Variants in CHID1 observed in about 807,000 individuals in gnomAD.
CHID1 encodes the protein chitinase domain containing 1.
CHID1 carries 44 observed loss-of-function variants against 55.4 expected under a neutral mutation model. The observed-to-expected ratio is 0.79, with a 90% confidence interval of 0.62 to 1.02. The LOEUF (loss-of-function observed/expected upper bound fraction) is 1.02. Among genes scored for constraint, CHID1 ranks in the 50% least tolerant of loss-of-function variants. The pLI, the probability that CHID1 is intolerant of heterozygous loss-of-function variation, is 0.00. For missense variants in CHID1, 491 were observed against 515.3 expected (o/e 0.95, Z 0.46); for synonymous variants, 216 against 212.9 (o/e 1.01, Z -0.13).
intron 3 of CHID1, among the ~76,000 whole-genome samples, chr11:902,737 A>G (rs926183330): frequency 1.1e-4 from 16 of 152,224 alleles, no homozygotes; most frequent in African/African-American, 3.1e-4. Context: ...TTCAGGGGGA[A>G]CCCACAGAGA....
In CHID1 at chr11:902,963, G is replaced by A. The variant is rs1262891751; in HGVS notation, c.260C>T (p.Pro87Leu). ...TGCACTGTGAGGGCCCCAACTTACT[G>A]GAGTGACATAGCCCAGTACATCCCC... The part of the protein sequence containing the change: ...FAGDVLGYVT[P>L]WNSHGYDVTK... The change falls in exon 3 of 13, where the codon CCA (proline) becomes CTA (leucine). Residue 87 changes from proline (P) to leucine (L), a missense_variant and splice_region_variant. Transcript: ENST00000323578. 6.2e-7 allele frequency: 1 copy of A among 1,613,282 alleles called. No individual in the cohort carries two copies. Among genetic ancestry groups the A allele is most frequent in the East Asian group, 2.2e-5 (1 of 44,854 alleles).
At chr11:900,873 C>G in intron 5 of CHID1, 63 bp downstream of exon 5, 1 of 1,423,906 alleles carries the variant, frequency 7.0e-7, no homozygotes, top group East Asian at 2.5e-5. Flanking sequence ...GACCCCAGTG[C>G]CCACCTGTCC....
At position 869,683 on chromosome 11, in the gene CHID1, C is replaced by T. The variant is rs1424324478; in HGVS notation, c.*175G>A. 1.6e-6 allele frequency: 1 copy of T among 631,542 alleles called. No homozygotes were observed. 39.1% of individuals were successfully genotyped at this position (631,542 alleles called of 1,614,324 possible). ...AGGGTGTCCCCCAGCTAGGACTCAT[C>T]CAGGGCAGGGACCCCTCATGGGAGG... is the stretch of plus-strand genomic sequence containing the variant. On this transcript the variant is annotated 3_prime_UTR_variant, in exon 13 of 13. Coordinates refer to ENST00000323578, the MANE Select transcript of CHID1 (RefSeq NM_023947.4).
intron 7 of CHID1, among the ~76,000 whole-genome samples, chr11:894,632 C>A (rs888048785): frequency 1.3e-5 from 2 of 152,328 alleles, no homozygotes; most frequent in South Asian, 4.1e-4. Flanking sequence ...AGGAGACCCA[C>A]CCCTTAGGGG....
chr11:901,778 G>A (rs1249954859), intron 4 of CHID1, among the ~76,000 whole-genome samples: 1 of 152,130 alleles, frequency 6.6e-6, no homozygotes, highest in East Asian at 1.9e-4. Flanking sequence ...TGGCCTTGCA[G>A]AGGGTCCCAC....
intron 1 of CHID1, among the ~76,000 whole-genome samples, chr11:906,366 G>A (rs929881687): frequency 3.9e-5 from 6 of 151,924 alleles, no homozygotes; most frequent in Non-Finnish European, 7.4e-5. Context: ...AGCCTCCCGA[G>A]TAGCTGGGAT....
At chr11:884,878 C>T (rs1413939992) in intron 8 of CHID1, among the ~76,000 whole-genome samples, 2 of 152,216 alleles carry the variant, frequency 1.3e-5, no homozygotes, top group Admixed American at 1.3e-4. Flanking sequence ...CCCTCGGGGA[C>T]CTGCTCCTTC....
At chr11:905,913 T>G (rs1016359786) in intron 1 of CHID1, among the ~76,000 whole-genome samples, 1 of 152,244 alleles carries the variant, frequency 6.6e-6, no homozygotes, top group African/African-American at 2.4e-5. Flanking sequence ...TGAAGACAAA[T>G]AATAAACCAG....
intron 8 of CHID1, among the ~76,000 whole-genome samples, chr11:891,970 A>T (rs576524689): frequency 6.9e-6 from 1 of 144,908 alleles, no homozygotes; most frequent in Admixed American, 6.9e-5. Flanking sequence ...ACACAAATTA[A>T]CTGGGTGTGG....
chr11:879,805 G>C (rs1344508031), intron 10 of CHID1, among the ~76,000 whole-genome samples: 1 of 152,236 alleles, frequency 6.6e-6, no homozygotes, highest in Non-Finnish European at 1.5e-5. Flanking sequence ...AGGGCTGGGT[G>C]CATGGGGAGG....
At chr11:903,992 C>T (rs987182156) in intron 2 of CHID1, among the ~76,000 whole-genome samples, 6 of 152,140 alleles carry the variant, frequency 3.9e-5, no homozygotes, top group African/African-American at 1.4e-4. Flanking sequence ...CTGGCCAATG[C>T]GAGTCTTTTC....
At chr11:906,819 G>A (rs951184423) in intron 1 of CHID1, among the ~76,000 whole-genome samples, 2 of 152,112 alleles carry the variant, frequency 1.3e-5, no homozygotes, top group Admixed American at 6.5e-5. Context: ...ACCTGAAGTC[G>A]GGAGTTCGAG....
chr11:891,645 G>A (rs1320581305), intron 8 of CHID1, among the ~76,000 whole-genome samples: 1 of 152,198 alleles, frequency 6.6e-6, no homozygotes, highest in Non-Finnish European at 1.5e-5. Flanking sequence ...CCTCACAGAG[G>A]TGGCCATGCC....
upstream of CHID1, chr11:910,897 G>A: frequency 2.0e-6 from 2 of 1,009,820 alleles, no homozygotes; most frequent in Non-Finnish European, 2.4e-6. Flanking sequence ...ATGGAGAGGG[G>A]CTGGGCCAGG....
chr11:901,084 A>G, intron 4 of CHID1, 104 bp from the exon 5 acceptor site: 1 of 1,081,498 alleles, frequency 9.2e-7, no homozygotes, highest in Admixed American at 2.4e-5. Flanking sequence ...ACGCAATGGG[A>G]AGGGCAGGGG....
rs1386694386 is a variant in CHID1 at position 902,340 on chromosome 11, G to A, written c.262-10C>T. 6 of 1,608,212 alleles carry A rather than the reference G, an allele frequency of 3.7e-6. No individual in the cohort carries two copies. The highest frequency in any genetic ancestry group is 5.1e-6 in the Non-Finnish European group (6 of 1,175,114). ...AGCCATGGCTGTTCCACTGGCAAAA[G>A]ATGGAGACATCAGACGGAGGACAGG... On this transcript the variant is annotated splice_polypyrimidine_tract_variant and intron_variant, in intron 3 of 12. Coordinates refer to ENST00000323578, the MANE Select transcript of CHID1 (RefSeq NM_023947.4).
chr11:910,993 G>C, upstream of CHID1: 1 of 170,934 alleles, frequency 5.9e-6, no homozygotes, highest in African/African-American at 2.4e-5. Context: ...GCGGACCCCG[G>C]GCCCGGCGCG....
chr11:909,028 A>C (rs1852441910), intron 1 of CHID1, among the ~76,000 whole-genome samples: 1 of 152,208 alleles, frequency 6.6e-6, no homozygotes, highest in Non-Finnish European at 1.5e-5. Flanking sequence ...GAGTGCTTGG[A>C]TACAGGCTGC....
At chr11:888,360 G>A (rs1231906382) in intron 8 of CHID1, among the ~76,000 whole-genome samples, 2 of 152,316 alleles carry the variant, frequency 1.3e-5, no homozygotes, top group African/African-American at 4.8e-5. Flanking sequence ...AGGACCACCC[G>A]GGAATGTGGA....
Sources: gnomAD v4.1 joint callset for allele counts (sites outside exome capture counted in the v4.1 genomes callset) on GRCh38, gnomAD v4.1.1 for gene constraint, MANE v1.5 for transcripts, NCBI Gene and HGNC (gene_info 2026-07-23, HGNC 2026-07-21) for gene names.